The following SOX5 variants were observed in gnomAD, a reference collection of about 807,000 sequenced individuals.
SOX5 encodes the protein transcription factor SOX-5.
A neutral mutation model predicts 92.0 loss-of-function variants in SOX5; 9 were observed. The ratio of observed to expected loss-of-function variants is 0.10; its 90% confidence interval spans 0.06 to 0.17. The LOEUF (loss-of-function observed/expected upper bound fraction) is 0.17, where lower values mean the gene tolerates loss of function less well. SOX5 is among the 10% of genes least tolerant of loss of function. The pLI, the probability that SOX5 is intolerant of heterozygous loss-of-function variation, is 1.00. For missense variants in SOX5, 642 were observed against 944.5 expected (o/e 0.68, Z 4.20); for synonymous variants, 344 against 336.3 (o/e 1.02, Z -0.25).
chr12:23,556,100 G>T (rs796204768), intron 11 of SOX5, among the ~76,000 whole-genome samples: 11 of 151,992 alleles, frequency 7.2e-5, no homozygotes, highest in African/African-American at 2.7e-4. Context: ...TCACTAAGGG[G>T]TTTTCCTCTC....
At chr12:23,546,726 T>C (rs2136080639) in intron 11 of SOX5, among the ~76,000 whole-genome samples, 1 of 152,216 alleles carries the variant, frequency 6.6e-6, no homozygotes, top group East Asian at 1.9e-4. Flanking sequence ...GCACAGAAAT[T>C]TCATGGAAGC....
chr12:24,086,516 G>A (rs1168464995), intron 4 of SOX5, among the ~76,000 whole-genome samples: 1 of 151,868 alleles, frequency 6.6e-6, no homozygotes, highest in East Asian at 1.9e-4. Flanking sequence ...ATGAGAAAGA[G>A]TAAACTGTCA....
At chr12:24,533,381 G>C (rs1367592582) in intron 1 of SOX5, among the ~76,000 whole-genome samples, 3 of 152,134 alleles carry the variant, frequency 2.0e-5, no homozygotes, top group African/African-American at 7.2e-5. Flanking sequence ...TGGAACACAG[G>C]CTCTTTATAA....
chr12:24,137,308 G>A (rs903789584), intron 4 of SOX5, among the ~76,000 whole-genome samples: 4 of 152,142 alleles, frequency 2.6e-5, no homozygotes, highest in African/African-American at 9.7e-5. Context: ...GTTGGAGGGG[G>A]CTGATATCAA....
rs1248289419 is a variant in SOX5, at chr12:24,047,425, G to A, written c.-1-151401C>T. ...TTCATATGGACACTCCATTCTTGGGGAACATGATGAAATGATGAAATTCCC... is the reference window on the plus strand; with the variant it reads ...TTCATATGGACACTCCATTCTTGGGAAACATGATGAAATGATGAAATTCCC... On this transcript the variant is annotated intron_variant, in intron 4 of 4. Coordinates refer to the SOX5 transcript ENST00000446891. Among the ~76,000 whole-genome samples the A allele has an allele frequency of 2.0e-5, 3 of 152,190 alleles. 1 individual carries two copies. In the East Asian group the frequency reaches 5.8e-4, roughly 29 times the overall value.
chr12:24,000,515 G>T (rs941258951), intron 4 of SOX5, among the ~76,000 whole-genome samples: 1 of 152,070 alleles, frequency 6.6e-6, no homozygotes, highest in East Asian at 1.9e-4. Flanking sequence ...AAATGCATTT[G>T]TAATCTCTAC....
intron 1 of SOX5, among the ~76,000 whole-genome samples, chr12:23,917,840 A>T (rs1405858212): frequency 6.6e-6 from 1 of 152,150 alleles, no homozygotes; most frequent in African/African-American, 2.4e-5. Flanking sequence ...TAGCAACAGA[A>T]TGTAATGGGT....
At chr12:23,809,885 T>C (rs2095847732) in intron 3 of SOX5, among the ~76,000 whole-genome samples, 1 of 151,164 alleles carries the variant, frequency 6.6e-6, no homozygotes, top group Non-Finnish European at 1.5e-5. Flanking sequence ...ACTAATGAAA[T>C]AGATCCCAAG....
intron 8 of SOX5, among the ~76,000 whole-genome samples, chr12:23,611,700 T>A (rs1220431737): frequency 6.6e-6 from 1 of 152,108 alleles, no homozygotes; most frequent in African/African-American, 2.4e-5. Flanking sequence ...CAGCAGCATA[T>A]GACAGTGTAT....
At chr12:24,545,261 C>T (rs547524463) in intron 1 of SOX5, among the ~76,000 whole-genome samples, 50 of 152,228 alleles carry the variant, frequency 3.3e-4, no homozygotes, top group African/African-American at 1.2e-3. Flanking sequence ...TCTCCAAAGC[C>T]AGAAATTCAA....
upstream of SOX5, among the ~76,000 whole-genome samples, chr12:23,952,208 G>A (rs986153034): frequency 6.6e-6 from 1 of 152,144 alleles, no homozygotes; most frequent in African/African-American, 2.4e-5. Flanking sequence ...AGGAAGAGGA[G>A]GAGGCGGGAG....
At chr12:24,012,956 G>A (rs1953128869) in intron 4 of SOX5, among the ~76,000 whole-genome samples, 1 of 152,136 alleles carries the variant, frequency 6.6e-6, no homozygotes, top group South Asian at 2.1e-4. Flanking sequence ...AGTAGCTATT[G>A]CCATCTCATT....
At chr12:24,154,043 C>G (rs529283587) in intron 4 of SOX5, among the ~76,000 whole-genome samples, 1 of 152,170 alleles carries the variant, frequency 6.6e-6, no homozygotes, top group African/African-American at 2.4e-5. Flanking sequence ...CCAGGACCAG[C>G]GTCAGCACCA....
At chr12:23,579,481 A>G (rs1244112656) in intron 9 of SOX5, among the ~76,000 whole-genome samples, 1 of 152,172 alleles carries the variant, frequency 6.6e-6, no homozygotes, top group Non-Finnish European at 1.5e-5. Context: ...ATAATTTACT[A>G]CTGAGCTGCT....
chr12:23,621,817 CT>C (rs1439521319), intron 8 of SOX5, among the ~76,000 whole-genome samples: 1 of 152,146 alleles, frequency 6.6e-6, no homozygotes, highest in Non-Finnish European at 1.5e-5. Flanking sequence ...CCTTCACTGA[CT>C]TTGCAAAAAC....
intron 4 of SOX5, among the ~76,000 whole-genome samples, chr12:24,082,584 C>T (rs997671405): frequency 1.5e-4 from 23 of 151,462 alleles, no homozygotes; most frequent in Admixed American, 1.2e-3. Context: ...TTGCAAGAAA[C>T]GGTGCCCTTA....
chr12:23,890,034 T>C lies in SOX5; in HGVS notation c.270+5759A>G, dbSNP rs552694696. Among the ~76,000 whole-genome samples, 13 of 152,238 alleles carry C rather than the reference T, an allele frequency of 8.5e-5. No homozygotes were observed. The South Asian group carries it at 2.7e-3, about 32-fold the overall frequency. On this transcript the variant is annotated intron_variant, in intron 2 of 14. Transcript: ENST00000451604. ...CCTAAATTATTTTTTAAAATAAAAA[T>C]ATTGGCTAGGCATGGTGGCTCACGC...
chr12:23,759,032 C>G (rs1018061677), intron 3 of SOX5, among the ~76,000 whole-genome samples: 1 of 7,420 alleles, frequency 1.3e-4, no homozygotes, highest in Admixed American at 5.8e-3. Flanking sequence ...CACACACAGA[C>G]ACACACACAC....
chr12:23,890,585 C>T (rs189911791), intron 2 of SOX5, among the ~76,000 whole-genome samples: 4 of 151,984 alleles, frequency 2.6e-5, no homozygotes, highest in Non-Finnish European at 4.4e-5. Flanking sequence ...CATAGAGTTA[C>T]CCCAGCTGCT....
Sources: allele counts gnomAD v4.1 joint callset (sites outside exome capture counted in the v4.1 genomes callset), GRCh38; gene constraint gnomAD v4.1.1; transcripts MANE v1.5; gene names NCBI Gene and HGNC (gene_info 2026-07-23, HGNC 2026-07-21).